SH3BP2: variants seen among roughly 807,000 people sequenced by gnomAD.
SH3BP2 encodes SH3 domain-binding protein 2.
In SH3BP2, 38 loss-of-function variants were observed where a neutral mutation model predicts 56.2. That is an observed-to-expected ratio of 0.68 (90% CI 0.52 to 0.89). The LOEUF (loss-of-function observed/expected upper bound fraction) is 0.89. Among genes scored for constraint, SH3BP2 ranks in the 40% least tolerant of loss-of-function variants. The pLI, the probability that SH3BP2 is intolerant of heterozygous loss-of-function variation, is 0.00. For missense variants in SH3BP2, 748 were observed against 762.6 expected, an observed-to-expected ratio of 0.98 and a Z score of 0.23; for synonymous variants, 346 against 316.7, an observed-to-expected ratio of 1.09 and a Z score of -0.98.
intron 1 of SH3BP2, among the ~76,000 whole-genome samples, chr4:2,806,039 C>A (rs1723521083): frequency 6.6e-6 from 1 of 152,244 alleles, no homozygotes; most frequent in Non-Finnish European, 1.5e-5. Flanking sequence ...GCAAGCCCAG[C>A]AGCCAGCTGC....
intron 6 of SH3BP2, 116 bp from the exon 7 acceptor site, chr4:2,827,490 G>A (rs1724734721): frequency 1.6e-6 from 2 of 1,233,358 alleles, no homozygotes; most frequent in Non-Finnish European, 2.3e-6. Context: ...TGGACTCACA[G>A]TCCTCCCAGC....
chr4:2,822,355 A>G (rs1436499040), intron 2 of SH3BP2, among the ~76,000 whole-genome samples: 2 of 152,010 alleles, frequency 1.3e-5, no homozygotes, highest in East Asian at 3.9e-4. Flanking sequence ...GGGGTTTCAC[A>G]TGTTGCTCAG....
intron 7 of SH3BP2, among the ~76,000 whole-genome samples, chr4:2,827,975 G>T (rs903897449): frequency 6.6e-6 from 1 of 152,170 alleles, no homozygotes; most frequent in Non-Finnish European, 1.5e-5. Flanking sequence ...GCTGAGGAGC[G>T]CGCAGGCTCA....
At chr4:2,813,235 C>T (rs989118419) in intron 1 of SH3BP2, among the ~76,000 whole-genome samples, 1 of 152,220 alleles carries the variant, frequency 6.6e-6, no homozygotes, top group African/African-American at 2.4e-5. Context: ...ATCCCACGCC[C>T]ACCACCGGCC....
At chr4:2,807,813 T>G (rs1344969475) in intron 1 of SH3BP2, among the ~76,000 whole-genome samples, 2 of 151,986 alleles carry the variant, frequency 1.3e-5, no homozygotes, top group Non-Finnish European at 2.9e-5. Flanking sequence ...CGGGTGTGGG[T>G]CAGGCATGGC....
intron 1 of SH3BP2, among the ~76,000 whole-genome samples, chr4:2,820,280 G>A (rs1219125627): frequency 6.6e-6 from 1 of 152,172 alleles, no homozygotes; most frequent in East Asian, 1.9e-4. Flanking sequence ...TTCTGAGTTC[G>A]TTCATCTCTA....
intron 2 of SH3BP2, among the ~76,000 whole-genome samples, chr4:2,821,292 C>G (rs1465224176): frequency 6.6e-6 from 1 of 152,244 alleles, no homozygotes; most frequent in Non-Finnish European, 1.5e-5. Context: ...TTTGCAGTAG[C>G]AGTGCCCTCT....
At chr4:2,824,929 C>T (rs574528136) in intron 4 of SH3BP2, 197 bp from the exon 5 acceptor site, 100 of 670,280 alleles carry the variant, frequency 1.5e-4, no homozygotes, top group South Asian at 1.2e-3. Context: ...CTGGTGCCAG[C>T]GCCCACACAA....
chr4:2,815,128 C>T (rs1463191185), intron 1 of SH3BP2, among the ~76,000 whole-genome samples: 5 of 152,214 alleles, frequency 3.3e-5, no homozygotes, highest in Non-Finnish European at 7.3e-5. Context: ...ATGGTCACCA[C>T]GGCCTCCATG....
rs779176327 is a variant in SH3BP2, at chr4:2,832,382, C to T, written c.1458C>T (p.Cys486=). The T allele has an allele frequency of 6.2e-7, 1 of 1,614,116 alleles. No homozygotes were observed. The highest frequency in any genetic ancestry group is 8.5e-7 in the Non-Finnish European group (1 of 1,179,986). The change falls in exon 11 of 13, where the codon TGC becomes TGT. Residue 486 remains cysteine, a synonymous_variant. Coordinates refer to ENST00000503393, the MANE Select transcript of SH3BP2 (RefSeq NM_001122681.2). ...GAGAGCCCCAGGATGGACTCTACTG[C>T]ATCCGGAACTCCTCTACCAAGTCGG... ...PRGEPQDGLY[C]IRNSSTKSGK... is the part of the protein sequence containing the mutation.
chr4:2,831,504 G>A lies in SH3BP2; in HGVS notation c.1242-67G>A. The A allele has an allele frequency of 5.8e-6, 7 of 1,202,466 alleles. No individual in the cohort carries two copies. The highest frequency in any genetic ancestry group is 3.9e-5 in the South Asian group (3 of 77,018). 74.5% of individuals were successfully genotyped at this position (1,202,466 alleles called of 1,614,324 possible). ...CACACAGAGGGTGGAGTGGGGAGGGGAGCAGAGGGTGGCCGCCCCGTGTCT... is the reference window on the plus strand; with the variant it reads ...CACACAGAGGGTGGAGTGGGGAGGGAAGCAGAGGGTGGCCGCCCCGTGTCT... On this transcript the variant is annotated intron_variant, in intron 8 of 12. Transcript: ENST00000503393. The surrounding 1 kb of genome is among the most constrained non-coding windows in gnomAD (Gnocchi z 4.1).
chr4:2,795,801 C>T lies in SH3BP2; in HGVS notation c.-5+2663C>T, dbSNP rs146621177. Among the ~76,000 whole-genome samples, 527 of 152,204 alleles carry T rather than the reference C, an allele frequency of 3.5e-3. 2 individuals carry two copies. Among genetic ancestry groups the T allele is most frequent in the Middle Eastern group, 0.014 (4 of 294 alleles). On this transcript the variant is annotated intron_variant, in intron 1 of 12. Coordinates refer to ENST00000503393, the MANE Select transcript of SH3BP2 (RefSeq NM_001122681.2). The stretch of plus-strand genomic sequence containing the variant: ...CAGGTGTGGTGAGGGTATGGAGGGG[C>T]CTGGGAGGCAAGGAGAAGGGGCCGT...
At chr4:2,818,289 G>A (rs1293475194) in intron 1 of SH3BP2, 17 of 1,045,288 alleles carry the variant, frequency 1.6e-5, no homozygotes, top group Non-Finnish European at 2.0e-5. Context: ...GGGACGAGGC[G>A]GCGGCGGCCG....
chr4:2,802,440 G>A (rs1043203842), intron 1 of SH3BP2, among the ~76,000 whole-genome samples: 2 of 145,760 alleles, frequency 1.4e-5, no homozygotes, highest in African/African-American at 5.2e-5. Context: ...GTGTGTGTGT[G>A]TGTATGTATA....
intron 1 of SH3BP2, chr4:2,796,361 C>G (rs1430427607): frequency 1.0e-6 from 1 of 976,574 alleles, no homozygotes; most frequent in Non-Finnish European, 1.2e-6. Flanking sequence ...CCAACCTTCT[C>G]TCTTCTCCCC....
Position 2,834,641 on chromosome 4 carries a change from C to T in SH3BP2, c.*807C>T, listed in dbSNP as rs535028482. On this transcript the variant is annotated 3_prime_UTR_variant, in exon 13 of 13. Transcript: ENST00000503393. ...ACCTCCTGAGTGGCTGTCCCCGTTCCAGAACTTGCATACACTGAGCGGGCT... is the reference window on the plus strand; with the variant it reads ...ACCTCCTGAGTGGCTGTCCCCGTTCTAGAACTTGCATACACTGAGCGGGCT... 1.3e-5 allele frequency: 2 copies of T among 152,426 alleles called. No homozygotes were observed. Among genetic ancestry groups the T allele is most frequent in the African/African-American group, 4.8e-5 (2 of 41,588 alleles). The allele number at this position is 152,426 out of a possible 1,614,324, so 9.4% of individuals were successfully genotyped here. A position where few individuals can be genotyped will look rare whatever the true frequency, so the allele number is the denominator to read the frequency against.
At chr4:2,816,121 C>G (rs144407463) in intron 1 of SH3BP2, among the ~76,000 whole-genome samples, 1 of 152,094 alleles carries the variant, frequency 6.6e-6, no homozygotes, top group African/African-American at 2.4e-5. Flanking sequence ...ATGGCGCAAT[C>G]TCGGCTCACT....
chr4:2,818,425 C>T, intron 1 of SH3BP2: 4 of 1,124,602 alleles, frequency 3.6e-6, no homozygotes, highest in South Asian at 4.4e-5. Flanking sequence ...AGCCCCGGGA[C>T]CCGGGCCGCG....
At chr4:2,796,647 G>A (rs73791900) in intron 1 of SH3BP2, 1,926 of 159,682 alleles carry the variant, frequency 0.012, 44 homozygotes, top group African/African-American at 0.044. Flanking sequence ...CTGTAGCTGA[G>A]CTGATTCCAA....
Sources: gnomAD v4.1 joint callset for allele counts (sites outside exome capture counted in the v4.1 genomes callset) on GRCh38, gnomAD v4.1.1 for gene constraint, Gnocchi (gnomAD v3.1) non-coding constraint, MANE v1.5 for transcripts, NCBI Gene and HGNC (gene_info 2026-07-23, HGNC 2026-07-21) for gene names.